LRRK2: variants seen among roughly 807,000 people sequenced by gnomAD.
LRRK2 encodes leucine rich repeat kinase 2.
Under a neutral mutation model 302.6 loss-of-function variants are expected in LRRK2, and 203 were observed. That is an observed-to-expected ratio of 0.67 (90% confidence interval 0.60 to 0.75). The LOEUF is 0.75. Ranked by LOEUF, LRRK2 falls within the 30% of genes least tolerant of loss-of-function variation. The pLI is 0.00. For missense variants in LRRK2, 2,830 were observed against 2,951.0 expected, an observed-to-expected ratio of 0.96 and a Z score of 0.95; for synonymous variants, 1,066 against 1,031.9, an observed-to-expected ratio of 1.03 and a Z score of -0.63.
In LRRK2 at chr12:40,291,221, T is replaced by C. The variant is rs1047606775; in HGVS notation, c.2690-2324T>C. Among the ~76,000 whole-genome samples the C allele has an allele frequency of 2.6e-5, 4 of 151,406 alleles. 1 individual carries two copies. Among genetic ancestry groups the C allele is most frequent in the East Asian group, 1.9e-4 (1 of 5,158 alleles). ...GCATGTTCTCACTCATAGGTGGGAA[T>C]TGAACAATGAGAACACTTGGACACA... On this transcript the variant is annotated intron_variant, in intron 20 of 50. Coordinates refer to ENST00000298910, the MANE Select transcript of LRRK2 (RefSeq NM_198578.4).
intron 19 of LRRK2, chr12:40,286,313 A>T (rs1169205863): frequency 1.3e-5 from 2 of 151,926 alleles, no homozygotes; most frequent in South Asian, 4.1e-4. Context: ...CTTCGGGATA[A>T]TTTCCCATAT....
chr12:40,314,477 A>T (rs548826203), intron 32 of LRRK2, among the ~76,000 whole-genome samples: 1 of 152,074 alleles, frequency 6.6e-6, no homozygotes, highest in African/African-American at 2.4e-5. Context: ...TGGAACCCTG[A>T]ATAGTCAAAT....
intron 8 of LRRK2, among the ~76,000 whole-genome samples, chr12:40,250,438 T>G (rs1942205806): frequency 2.0e-5 from 3 of 152,212 alleles, no homozygotes; most frequent in South Asian, 4.2e-4. Flanking sequence ...TGAAGTGAGC[T>G]GAGATTGTGC....
At chr12:40,358,123 C>T (rs894189050) in intron 46 of LRRK2, among the ~76,000 whole-genome samples, 7 of 150,094 alleles carry the variant, frequency 4.7e-5, no homozygotes, top group East Asian at 1.9e-4. Context: ...ATTGCTTTTT[C>T]GAGTTTCTTG....
chr12:40,232,453 A>G, intron 3 of LRRK2, 70 bp downstream of exon 3: 1 of 1,103,550 alleles, frequency 9.1e-7, no homozygotes, highest in South Asian at 1.3e-5. Context: ...CCTTCCCTTG[A>G]TACACTGTGT....
intron 38 of LRRK2, 40 bp downstream of exon 38, chr12:40,323,346 T>C: frequency 6.5e-7 from 1 of 1,531,638 alleles, no homozygotes; most frequent in Middle Eastern, 1.7e-4. Context: ...AATTAGGATG[T>C]AATTTTCTCC....
chr12:40,340,204 A>G, intron 40 of LRRK2, 90 bp from the exon 41 acceptor site: 2 of 1,312,994 alleles, frequency 1.5e-6, no homozygotes, highest in Non-Finnish European at 2.2e-6. Flanking sequence ...GATGCTTGAC[A>G]TAGTGGACAT....
At position 40,283,796 on chromosome 12, in the gene LRRK2, C is replaced by T. The variant is rs975590624; in HGVS notation, c.2242-79C>T. ...AAATTGGAGATGTAGAGAAAAATCA[C>T]ATGAAGTTTGATTTGCCAGTCTCCT... On this transcript the variant is annotated intron_variant, in intron 18 of 50. Coordinates refer to ENST00000298910, the MANE Select transcript of LRRK2 (RefSeq NM_198578.4). 1.2e-5 allele frequency: 15 copies of T among 1,253,378 alleles called. No individual in the cohort carries two copies. The African/African-American group carries it at 2.0e-4, about 16-fold the overall frequency. The allele number at this position is 1,253,378 out of a possible 1,614,324, so 77.6% of individuals were successfully genotyped here. A position where few individuals can be genotyped will look rare whatever the true frequency, so the allele number is the denominator to read the frequency against.
chr12:40,328,293 T>C (rs1945611774), intron 38 of LRRK2, 67 bp from the exon 39 acceptor site: 4 of 1,173,656 alleles, frequency 3.4e-6, no homozygotes, highest in Non-Finnish European at 5.1e-6. Context: ...TTACAACAGA[T>C]ATAATTTATT....
chr12:40,310,448 C>G lies in LRRK2; in HGVS notation c.4335C>G (p.Ser1445=). The change falls in exon 31 of 51, where the codon TCC becomes TCG. Residue 1445 remains serine, a synonymous_variant. Transcript: ENST00000298910. ...LFNIKARASS[S]PVILVGTHLD... ...CCCTCCAGGCTCGCGCTTCTTCTTC[C>G]CCTGTGATTCTCGTTGGCACACATT... The G allele has an allele frequency of 6.2e-7, 1 of 1,612,986 alleles. No individual in the cohort carries two copies. Among genetic ancestry groups the G allele is most frequent in the Non-Finnish European group, 8.5e-7 (1 of 1,179,706 alleles).
At chr12:40,261,873 TAA>T (rs748167275) in intron 13 of LRRK2, among the ~76,000 whole-genome samples, 3 of 152,180 alleles carry the variant, frequency 2.0e-5, no homozygotes, top group African/African-American at 4.8e-5. Flanking sequence ...GCATATATCT[TAA>T]GTTTCTTTCA....
At chr12:40,279,628 A>G (rs1176693681) in intron 18 of LRRK2, among the ~76,000 whole-genome samples, 1 of 152,188 alleles carries the variant, frequency 6.6e-6, no homozygotes, top group African/African-American at 2.4e-5. Context: ...ACCTAAAAGC[A>G]CCTGATACAA....
chr12:40,274,640 C>T lies in LRRK2; in HGVS notation c.1714C>T (p.His572Tyr), dbSNP rs745597651. 4.3e-6 allele frequency: 7 copies of T among 1,613,816 alleles called. No homozygotes were observed. The South Asian group carries it at 6.6e-5, about 15-fold the overall frequency. ...ATTAAAAGTAATTTCTTCTATTGTA[C>T]ATTTTCCTGATGCATTAGAGATGTT... ...CGLKVISSIV[H>Y]FPDALEMLSL... Residue 572 changes from histidine to tyrosine, a missense_variant, in exon 15 of 51, where the codon CAT becomes TAT. His to Tyr is a moderately conservative substitution (Grantham distance 83). Around this residue, in one of 3 missense-constraint regions of LRRK2, gnomAD observed 2,121 missense variants for 2,148.0 expected, o/e 0.99. Transcript: ENST00000298910.
intron 16 of LRRK2, among the ~76,000 whole-genome samples, chr12:40,276,333 T>A (rs1481192819): frequency 1.3e-5 from 2 of 152,178 alleles, no homozygotes; most frequent in African/African-American, 4.8e-5. Flanking sequence ...TCTCACTCTG[T>A]TGCCCAGGCT....
chr12:40,353,289 A>G (rs61915613), intron 44 of LRRK2, among the ~76,000 whole-genome samples: 96,012 of 122,940 alleles, frequency 0.78, 38,572 homozygotes, highest in Non-Finnish European at 0.86. Context: ...GGGCAGAGGG[A>G]CTCCTCACTT....
intron 22 of LRRK2, 26 bp downstream of exon 22, chr12:40,294,940 T>A: frequency 7.4e-7 from 1 of 1,353,002 alleles, no homozygotes. Context: ...TAATCATAAG[T>A]AAATAGATAT....
At chr12:40,330,724 T>C (rs1945689193) in intron 39 of LRRK2, among the ~76,000 whole-genome samples, 2 of 152,208 alleles carry the variant, frequency 1.3e-5, no homozygotes, top group African/African-American at 4.8e-5. Flanking sequence ...TATATCTAGT[T>C]ACTTATGATT....
intron 19 of LRRK2, among the ~76,000 whole-genome samples, chr12:40,285,764 C>A (rs1053145178): frequency 1.3e-5 from 2 of 151,288 alleles, no homozygotes. Flanking sequence ...GAAAAAAAAA[C>A]GTGGAGCAAA....
Position 40,322,019 on chromosome 12 carries a change from T to C in LRRK2, c.5171-16T>C, listed in dbSNP as rs924651182. 16 of 1,612,792 alleles carry C rather than the reference T, an allele frequency of 9.9e-6. No individual in the cohort carries two copies. In the African/African-American group the frequency reaches 2.0e-4, roughly 20 times the overall value. On this transcript the variant is annotated splice_polypyrimidine_tract_variant and intron_variant, in intron 35 of 50. Transcript: ENST00000298910. ...AACTTAGGAAGCAGTTAATAATTAA[T>C]GGCTCCATTTTTTAGAACGAGCACT... is the stretch of plus-strand genomic sequence containing the variant.
Sources: gnomAD v4.1 joint callset for allele counts (sites outside exome capture counted in the v4.1 genomes callset) on GRCh38, gnomAD v4.1.1 for gene constraint, gnomAD v4.1.1 regional missense constraint, MANE v1.5 for transcripts, NCBI Gene and HGNC (gene_info 2026-07-23, HGNC 2026-07-21) for gene names.